The following PARVA variants were observed in gnomAD, a reference collection of about 807,000 sequenced individuals.
PARVA encodes the protein alpha-parvin.
Under a neutral mutation model 52.6 loss-of-function variants are expected in PARVA, and 25 were observed. That is an observed-to-expected ratio of 0.48 (90% CI 0.35 to 0.66). The LOEUF is 0.66. PARVA is among the 30% of genes least tolerant of loss of function. The pLI, the probability that PARVA is intolerant of heterozygous loss-of-function variation, is 0.01. For synonymous variants in PARVA, 185 were observed against 179.1 expected, an observed-to-expected ratio of 1.03 and a Z score of -0.26; for missense variants, 373 against 450.9, an observed-to-expected ratio of 0.83 and a Z score of 1.56.
At chr11:12,504,138 A>G (rs1252894609) in intron 5 of PARVA, among the ~76,000 whole-genome samples, 176 bp from the exon 6 acceptor site, 1 of 152,140 alleles carries the variant, frequency 6.6e-6, no homozygotes, top group Admixed American at 6.5e-5. Context: ...CCACAATCCA[A>G]ATACCTCCCA....
intron 1 of PARVA, among the ~76,000 whole-genome samples, chr11:12,456,074 T>C (rs1191594280): frequency 6.6e-6 from 1 of 152,202 alleles, no homozygotes; most frequent in Non-Finnish European, 1.5e-5. Context: ...TCTTAAAGTC[T>C]CCTCCAGTTT....
intron 9 of PARVA, 80 bp downstream of exon 9, chr11:12,513,440 G>T (rs763580065): frequency 7.7e-7 from 1 of 1,293,476 alleles, no homozygotes. Context: ...TGCAGCTTGC[G>T]AGCTTCCTGC....
At chr11:12,509,592 G>T (rs564880043) in intron 7 of PARVA, among the ~76,000 whole-genome samples, 140 of 152,314 alleles carry the variant, frequency 9.2e-4, no homozygotes, top group Middle Eastern at 6.8e-3. Flanking sequence ...CTGGGGCACT[G>T]CCCGTCTAGA....
At chr11:12,425,395 C>T (rs917704960) in intron 1 of PARVA, among the ~76,000 whole-genome samples, 4 of 152,170 alleles carry the variant, frequency 2.6e-5, no homozygotes, top group Admixed American at 1.3e-4. Flanking sequence ...TCCCTCACCC[C>T]GCAGTTTCCC....
intron 4 of PARVA, among the ~76,000 whole-genome samples, chr11:12,487,526 C>T (rs954985593): frequency 6.6e-6 from 1 of 152,056 alleles, no homozygotes; most frequent in Admixed American, 6.6e-5. Context: ...ATCAAGTGCT[C>T]AATAGCCAAA....
At chr11:12,440,910 C>T (rs1297799471) in intron 1 of PARVA, among the ~76,000 whole-genome samples, 2 of 152,218 alleles carry the variant, frequency 1.3e-5, no homozygotes, top group African/African-American at 4.8e-5. Flanking sequence ...CAGATCATCT[C>T]CTTTAGGGTA....
At chr11:12,387,216 G>A (rs1308292598) in intron 1 of PARVA, among the ~76,000 whole-genome samples, 6 of 152,202 alleles carry the variant, frequency 3.9e-5, no homozygotes, top group Non-Finnish European at 7.3e-5. Context: ...TCAATAGGTT[G>A]TGCAGCCTGA....
rs373345301 is a variant in PARVA, at chr11:12,517,690, C to T, written c.948C>T (p.Thr316=). 316 of 1,601,622 alleles carry T rather than the reference C, an allele frequency of 2.0e-4. 1 individual carries two copies. The highest frequency in any genetic ancestry group is 5.5e-4 in the Admixed American group (32 of 58,488). Residue 316 remains threonine (T), a synonymous_variant, in exon 11 of 13, where the codon ACC becomes ACT. Transcript: ENST00000334956. ...TGCCCCTGCACAGCTTCTTCCTGAC[C>T]CCGGACAGCTTTGAACAGAAGGTAA... The part of the protein sequence containing the change: ...YFVPLHSFFL[T]PDSFEQKVLN...
intron 1 of PARVA, among the ~76,000 whole-genome samples, chr11:12,382,894 C>A (rs1033330003): frequency 6.6e-6 from 1 of 152,174 alleles, no homozygotes; most frequent in Non-Finnish European, 1.5e-5. Context: ...TTGCATGGCA[C>A]AAGTAATGGT....
chr11:12,469,062 AG>A (rs2135031315), intron 1 of PARVA, among the ~76,000 whole-genome samples: 1 of 152,346 alleles, frequency 6.6e-6, no homozygotes, highest in South Asian at 2.1e-4. Flanking sequence ...TTCTTTCAGC[AG>A]GGAAAACGGA....
intron 5 of PARVA, among the ~76,000 whole-genome samples, chr11:12,502,021 A>T (rs1160621014): frequency 6.6e-6 from 1 of 152,126 alleles, no homozygotes; most frequent in African/African-American, 2.4e-5. Context: ...GCAAACCTGG[A>T]TTTGCCTCTG....
intron 1 of PARVA, among the ~76,000 whole-genome samples, chr11:12,428,088 A>G (rs1232079252): frequency 2.0e-5 from 3 of 152,192 alleles, no homozygotes; most frequent in Non-Finnish European, 4.4e-5. Flanking sequence ...GACCTCCCTT[A>G]GAGAGTGAGC....
At chr11:12,518,959 C>T (rs1941606443) in intron 12 of PARVA, among the ~76,000 whole-genome samples, 1 of 152,110 alleles carries the variant, frequency 6.6e-6, no homozygotes, top group South Asian at 2.1e-4. Context: ...GAGGACAGGC[C>T]ATGATTTGTG....
chr11:12,405,371 C>A (rs1589945007), intron 1 of PARVA, among the ~76,000 whole-genome samples: 1 of 152,174 alleles, frequency 6.6e-6, no homozygotes, highest in Non-Finnish European at 1.5e-5. Flanking sequence ...AAATTTAACA[C>A]ATGCGTATAG....
chr11:12,430,570 A>G (rs944530125), intron 1 of PARVA, among the ~76,000 whole-genome samples: 16 of 151,996 alleles, frequency 1.1e-4, no homozygotes, highest in African/African-American at 3.6e-4. Context: ...CCTGAATCTC[A>G]TACCAAGATG....
chr11:12,406,367 G>A lies in PARVA; in HGVS notation c.136+28584G>A, dbSNP rs568536649. Among the ~76,000 whole-genome samples, 14 of 152,306 alleles carry A rather than the reference G, an allele frequency of 9.2e-5. No homozygotes were observed. The South Asian group carries it at 2.5e-3, about 27-fold the overall frequency. The stretch of plus-strand genomic sequence containing the variant: ...ATTTACTTAAAGTCAACTGATTGTG[G>A]ATGTTACCCACATCTGCAAAATACC... On this transcript the variant is annotated intron_variant, in intron 1 of 12. Transcript: ENST00000334956.
chr11:12,436,987 T>C (rs1224075922), intron 1 of PARVA, among the ~76,000 whole-genome samples: 1 of 152,190 alleles, frequency 6.6e-6, no homozygotes, highest in Non-Finnish European at 1.5e-5. Flanking sequence ...GTTTTCACCA[T>C]CTTTAAGTGC....
chr11:12,485,676 A>T (rs1941148817), intron 4 of PARVA, among the ~76,000 whole-genome samples: 1 of 152,236 alleles, frequency 6.6e-6, no homozygotes, highest in African/African-American at 2.4e-5. Context: ...ACTCTGCCTT[A>T]TAGAATTTCA....
At chr11:12,378,970 TAGAC>T (rs1178886560) in intron 1 of PARVA, among the ~76,000 whole-genome samples, 2 of 152,212 alleles carry the variant, frequency 1.3e-5, no homozygotes, top group Non-Finnish European at 2.9e-5. Context: ...GGCCACTCCA[TAGAC>T]AGAGCAGCCT....
Sources: allele counts gnomAD v4.1 joint callset (sites outside exome capture counted in the v4.1 genomes callset), GRCh38; gene constraint gnomAD v4.1.1; transcripts MANE v1.5; gene names NCBI Gene and HGNC (gene_info 2026-07-23, HGNC 2026-07-21).